Variants in ANKS1B observed in about 807,000 individuals in gnomAD.
The protein encoded by ANKS1B is ankyrin repeat and sterile alpha motif domain containing 1B, also known as ankyrin repeat and sterile alpha motif domain-containing protein 1B.
A neutral mutation model predicts 148.3 loss-of-function variants in ANKS1B; 36 were observed. That is an observed-to-expected ratio of 0.24 (90% confidence interval 0.19 to 0.32). ANKS1B has a LOEUF of 0.32. Ranked by LOEUF, ANKS1B falls within the 10% of genes least tolerant of loss-of-function variation. The pLI is 1.00. For missense variants in ANKS1B, 1,157 were observed against 1,542.6 expected (o/e 0.75, Z 4.19); for synonymous variants, 542 against 560.8 (o/e 0.97, Z 0.47).
At chr12:99,513,704 T>C (rs1483322878) in intron 9 of ANKS1B, among the ~76,000 whole-genome samples, 1 of 152,002 alleles carries the variant, frequency 6.6e-6, no homozygotes, top group Non-Finnish European at 1.5e-5. Flanking sequence ...TGCCATTGAA[T>C]TATACCTCAA....
intron 25 of ANKS1B, among the ~76,000 whole-genome samples, chr12:98,764,802 C>T (rs1242320119): frequency 6.6e-6 from 1 of 152,216 alleles, no homozygotes. Flanking sequence ...CCAACCTGCG[C>T]GTCCCTCCTC....
intron 1 of ANKS1B, among the ~76,000 whole-genome samples, chr12:99,845,054 G>A (rs1603296768): frequency 6.6e-6 from 1 of 152,080 alleles, no homozygotes; most frequent in East Asian, 1.9e-4. Flanking sequence ...TGCTGTATAG[G>A]AATGCTAACT....
intron 17 of ANKS1B, among the ~76,000 whole-genome samples, chr12:98,888,873 A>C (rs759039972): frequency 1.3e-5 from 2 of 152,122 alleles, no homozygotes; most frequent in Non-Finnish European, 2.9e-5. Context: ...CCTTTGTATC[A>C]ATCCTCTCCC....
chr12:99,585,963 C>T (rs2097634098), intron 9 of ANKS1B, among the ~76,000 whole-genome samples: 1 of 152,134 alleles, frequency 6.6e-6, no homozygotes, highest in Admixed American at 6.5e-5. Context: ...GCCCTGGAGA[C>T]ATTTTCCCCA....
At chr12:99,893,125 T>C (rs1295221958) in intron 1 of ANKS1B, among the ~76,000 whole-genome samples, 2 of 151,988 alleles carry the variant, frequency 1.3e-5, no homozygotes, top group Non-Finnish European at 2.9e-5. Flanking sequence ...AATTGAGAAC[T>C]ATAGGCCGGG....
chr12:98,934,963 C>T (rs1341187631), intron 17 of ANKS1B, among the ~76,000 whole-genome samples: 2 of 151,930 alleles, frequency 1.3e-5, no homozygotes, highest in Non-Finnish European at 1.5e-5. Flanking sequence ...TCAATTTGGG[C>T]ACCTTTTTTC....
At chr12:99,068,452 T>A (rs564992666) in intron 16 of ANKS1B, among the ~76,000 whole-genome samples, 1 of 152,320 alleles carries the variant, frequency 6.6e-6, no homozygotes, top group African/African-American at 2.4e-5. Flanking sequence ...TCTATTATAA[T>A]CTTATGGGAC....
chr12:99,057,873 A>C (rs1271492949), intron 16 of ANKS1B, among the ~76,000 whole-genome samples: 1 of 152,220 alleles, frequency 6.6e-6, no homozygotes, highest in South Asian at 2.1e-4. Flanking sequence ...TCGTGGAGCA[A>C]ACCTAAATTT....
At chr12:99,227,936 AC>A (rs1298862155) in intron 14 of ANKS1B, among the ~76,000 whole-genome samples, 1 of 151,966 alleles carries the variant, frequency 6.6e-6, no homozygotes, top group Non-Finnish European at 1.5e-5. Context: ...TATTTAAAAA[AC>A]ATTGTAAAAT....
intron 4 of ANKS1B, among the ~76,000 whole-genome samples, chr12:99,801,542 G>A (rs768076354): frequency 3.3e-5 from 5 of 152,158 alleles, no homozygotes; most frequent in Non-Finnish European, 7.3e-5. Flanking sequence ...GGGAGTTAGA[G>A]TGGCCTCAAG....
chr12:99,948,378 T>TA (rs35882325), intron 1 of ANKS1B, among the ~76,000 whole-genome samples: 20,425 of 142,732 alleles, frequency 0.14, 1,787 homozygotes, highest in East Asian at 0.37. Context: ...AAGAAAGAAT[T>TA]AAAAAAAAAA....
rs3803095 is a variant in ANKS1B, at chr12:99,084,889, C to T, written c.2625+36G>A. On this transcript the variant is annotated intron_variant, in intron 16 of 26. Transcript: ENST00000683438. ...GCCTGGACTCAAAATCACTGGGAAC[C>T]GTACACAGGACTAGGGCAATAAAAG... 836 of 1,527,030 alleles carry T rather than the reference C, an allele frequency of 5.5e-4. 7 individuals are homozygous for T. In the East Asian group the frequency reaches 0.016, roughly 29 times the overall value. 94.6% of individuals were successfully genotyped at this position (1,527,030 alleles called of 1,614,324 possible).
intron 22 of ANKS1B, among the ~76,000 whole-genome samples, chr12:98,783,591 T>G (rs11109604): frequency 6.6e-6 from 1 of 151,920 alleles, no homozygotes; most frequent in Non-Finnish European, 1.5e-5. Context: ...TGACGGCCTA[T>G]TAGGGGTGAT....
At chr12:99,607,641 G>A (rs1017489445) in intron 9 of ANKS1B, among the ~76,000 whole-genome samples, 6 of 152,072 alleles carry the variant, frequency 3.9e-5, no homozygotes, top group East Asian at 3.9e-4. Context: ...GGCGGGACAC[G>A]TTACCTGCTC....
chr12:99,784,978 A>G (rs2064843956), intron 4 of ANKS1B, among the ~76,000 whole-genome samples: 1 of 152,046 alleles, frequency 6.6e-6, no homozygotes, highest in Admixed American at 6.5e-5. Flanking sequence ...GGCCACATCT[A>G]TTTTTTCACC....
chr12:99,154,242 G>T (rs1566492086), intron 15 of ANKS1B, 47 bp downstream of exon 15: 6 of 1,607,998 alleles, frequency 3.7e-6, no homozygotes, highest in Non-Finnish European at 5.1e-6. Context: ...CACATAAGAA[G>T]CAAAGACAGA....
chr12:99,487,191 T>C (rs2096501636), intron 10 of ANKS1B, among the ~76,000 whole-genome samples: 1 of 152,202 alleles, frequency 6.6e-6, no homozygotes, highest in Non-Finnish European at 1.5e-5. Flanking sequence ...CTTGATTTGG[T>C]ACACTCCCCC....
intron 17 of ANKS1B, among the ~76,000 whole-genome samples, chr12:98,906,512 G>C (rs1391637320): frequency 6.6e-6 from 1 of 152,210 alleles, no homozygotes; most frequent in African/African-American, 2.4e-5. Flanking sequence ...ACTCTGATCT[G>C]AGGAGGAGTC....
At chr12:99,666,093 G>A (rs566334675) in intron 8 of ANKS1B, among the ~76,000 whole-genome samples, 3 of 152,192 alleles carry the variant, frequency 2.0e-5, no homozygotes, top group African/African-American at 4.8e-5. Flanking sequence ...CCATTGAAGT[G>A]CCCTGCAGTT....
Sources: gnomAD v4.1 joint callset for allele counts (sites outside exome capture counted in the v4.1 genomes callset) on GRCh38, gnomAD v4.1.1 for gene constraint, MANE v1.5 for transcripts, NCBI Gene and HGNC (gene_info 2026-07-23, HGNC 2026-07-21) for gene names.